CCDC33: variants seen among roughly 807,000 people sequenced by gnomAD.
CCDC33 encodes the protein coiled-coil domain-containing protein 33.
In CCDC33, 94 loss-of-function variants were observed where a neutral mutation model predicts 91.9. The ratio of observed to expected loss-of-function variants is 1.02; its 90% CI spans 0.87 to 1.21. The LOEUF is 1.21. Among genes scored for constraint, CCDC33 ranks in the 50% most tolerant of loss-of-function variants. The pLI is 0.00. For missense variants in CCDC33, 940 were observed against 935.5 expected, an observed-to-expected ratio of 1.00 and a Z score of -0.06; for synonymous variants, 396 against 374.5, an observed-to-expected ratio of 1.06 and a Z score of -0.66.
chr15:74,333,136 T>A (rs2060476521), intron 16 of CCDC33: 5 of 1,136,456 alleles, frequency 4.4e-6, no homozygotes, highest in Non-Finnish European at 6.5e-6. Context: ...GGCCTCCACC[T>A]GGACCCTACA....
Position 74,222,545 on chromosome 15 carries a change from T to A in CCDC33, c.675+3684T>A, listed in dbSNP as rs1456785543. 1.4e-4 allele frequency among the ~76,000 whole-genome samples: 19 copies of A among 138,176 alleles called. No individual in the cohort carries two copies. In the East Asian group the frequency reaches 4.0e-3, roughly 29 times the overall value. The allele number at this position is 138,176 out of a possible 152,430, so 90.6% of individuals were successfully genotyped here. On this transcript the variant is annotated intron_variant, in intron 2 of 2. Coordinates refer to the CCDC33 transcript ENST00000635913. ...TTTCTTTTTCTTTTCTTTTTTTTTT[T>A]AATTCCTTCCGTTTAAAACACCTTT...
chr15:74,226,638 C>A (rs67882706), intron 2 of CCDC33, among the ~76,000 whole-genome samples: 33,140 of 151,906 alleles, frequency 0.22, 4,246 homozygotes, highest in East Asian at 0.33. Flanking sequence ...ACCAGCCTGA[C>A]CAACATGGTG....
In CCDC33 at chr15:74,336,092, C is replaced by A; in HGVS notation, c.*39C>A. 1 of 1,603,130 alleles carries A rather than the reference C, an allele frequency of 6.2e-7. No individual in the cohort carries two copies. Among genetic ancestry groups the A allele is most frequent in the South Asian group, 1.1e-5 (1 of 90,634 alleles). ...CCTCCTTCCCTGTGTGCTGGGGAGTCTCATCACCGCCCCCTAAAAATGACG... is the reference window on the plus strand; with the variant it reads ...CCTCCTTCCCTGTGTGCTGGGGAGTATCATCACCGCCCCCTAAAAATGACG... On this transcript the variant is annotated 3_prime_UTR_variant, in exon 19 of 19. Transcript: ENST00000398814.
intron 15 of CCDC33, among the ~76,000 whole-genome samples, chr15:74,331,849 G>A (rs532390514): frequency 4.3e-4 from 65 of 152,266 alleles, no homozygotes; most frequent in African/African-American, 1.4e-3. Flanking sequence ...GGCCAACATG[G>A]TGAAACCCCA....
At chr15:74,298,569 C>A (rs188591554) in intron 11 of CCDC33, among the ~76,000 whole-genome samples, 32 of 152,064 alleles carry the variant, frequency 2.1e-4, no homozygotes, top group African/African-American at 7.2e-4. Context: ...GATGGAGTTT[C>A]GCTCTTGTTA....
At chr15:74,248,215 T>C (rs1349526890) in intron 2 of CCDC33, among the ~76,000 whole-genome samples, 2 of 152,074 alleles carry the variant, frequency 1.3e-5, no homozygotes, top group Non-Finnish European at 2.9e-5. Context: ...GCGGAAAGTA[T>C]ATGTGTATCA....
Position 74,236,476 on chromosome 15 carries a change from G to A in CCDC33, c.-244G>A, listed in dbSNP as rs1398944589. 2.8e-5 allele frequency: 13 copies of A among 469,190 alleles called. No homozygotes were observed. Among genetic ancestry groups the A allele is most frequent in the African/African-American group, 3.9e-5 (2 of 51,316 alleles). 29.1% of individuals were successfully genotyped at this position (469,190 alleles called of 1,614,324 possible). The stretch of plus-strand genomic sequence containing the variant: ...GGCCCTTCCACCCACAGACCATCTC[G>A]CTGCTGAGAGATCCAGGACCTGCTC... On this transcript the variant is annotated 5_prime_UTR_variant, in exon 1 of 19. Transcript: ENST00000398814.
At chr15:74,241,483 G>A (rs1251930369) in intron 1 of CCDC33, among the ~76,000 whole-genome samples, 2 of 152,216 alleles carry the variant, frequency 1.3e-5, no homozygotes, top group Non-Finnish European at 2.9e-5. Context: ...CAGTGTGGCT[G>A]GAGCGGAGTG....
intron 2 of CCDC33, among the ~76,000 whole-genome samples, chr15:74,210,004 A>G (rs533385846): frequency 6.6e-6 from 1 of 152,282 alleles, no homozygotes; most frequent in East Asian, 1.9e-4. Flanking sequence ...CCTGGAAGAG[A>G]GAAGGACAAT....
intron 3 of CCDC33, among the ~76,000 whole-genome samples, chr15:74,264,377 A>G (rs77733133): frequency 0.018 from 2,698 of 152,276 alleles, 82 homozygotes; most frequent in African/African-American, 0.062. Context: ...GAAGGGCACA[A>G]TGCCCAGAGA....
chr15:74,281,950 G>A, intron 10 of CCDC33, 101 bp downstream of exon 10: 7 of 988,516 alleles, frequency 7.1e-6, no homozygotes, highest in Non-Finnish European at 9.4e-6. Context: ...CTTCTGGGAG[G>A]ATGGGACTAC....
chr15:74,285,127 C>T (rs373619465), intron 10 of CCDC33, among the ~76,000 whole-genome samples: 232 of 152,330 alleles, frequency 1.5e-3, no homozygotes, highest in East Asian at 6.6e-3. Flanking sequence ...TGTCACAGAG[C>T]GGAAATGCTT....
At chr15:74,291,840 C>T (rs1305700389) in intron 10 of CCDC33, among the ~76,000 whole-genome samples, 3 of 152,208 alleles carry the variant, frequency 2.0e-5, no homozygotes, top group Non-Finnish European at 4.4e-5. Context: ...CCTGGTCTGT[C>T]TCAACAGACC....
intron 10 of CCDC33, among the ~76,000 whole-genome samples, chr15:74,284,812 C>T (rs184925778): frequency 2.5e-3 from 379 of 152,330 alleles, no homozygotes; most frequent in Non-Finnish European, 4.4e-3. Flanking sequence ...AGGTTCCTGC[C>T]CCCTTATTGT....
Position 74,244,074 on chromosome 15 carries a change from C to T in CCDC33, c.111C>T (p.Ile37=). Residue 37 remains isoleucine, a synonymous_variant, in exon 2 of 19, where the codon ATC becomes ATT. Coordinates refer to ENST00000398814, the MANE Select transcript of CCDC33 (RefSeq NM_025055.5). The surrounding 1 kb of genome is among the most constrained non-coding windows in gnomAD (Gnocchi z 4.2). ...TGTCTCCCTCTAAGAAGGAGACCAT[C>T]ATGGTCACCCTCCATGGGGCTACCA... The part of the protein sequence containing the change: ...GHLSPSKKET[I]MVTLHGATNL... The T allele has an allele frequency of 6.2e-7, 1 of 1,613,894 alleles. No individual in the cohort carries two copies. Among genetic ancestry groups the T allele is most frequent in the Non-Finnish European group, 8.5e-7 (1 of 1,179,944 alleles).
Position 74,220,130 on chromosome 15 carries a change from G to A in CCDC33, c.675+1269G>A, listed in dbSNP as rs563349688. On this transcript the variant is annotated intron_variant, in intron 2 of 2. Transcript: ENST00000635913. ...AGAGGGGTTTGTGCAGGGTTTGTGCGGGAGAAAGACCAGATCTGAGCTGTG... is the reference window on the plus strand; with the variant it reads ...AGAGGGGTTTGTGCAGGGTTTGTGCAGGAGAAAGACCAGATCTGAGCTGTG... Among the ~76,000 whole-genome samples the A allele has an allele frequency of 3.9e-5, 6 of 152,204 alleles. No individual in the cohort carries two copies. In the South Asian group the frequency reaches 6.2e-4, roughly 16 times the overall value.
At chr15:74,269,099 AT>A (rs1191252558) in intron 5 of CCDC33, among the ~76,000 whole-genome samples, 31 of 151,828 alleles carry the variant, frequency 2.0e-4, no homozygotes, top group African/African-American at 7.5e-4. Context: ...CCCTAGGCCA[AT>A]TAGCAGCTTT....
At chr15:74,325,538 C>CCAT (rs2060293130) in intron 11 of CCDC33, among the ~76,000 whole-genome samples, 1 of 150,560 alleles carries the variant, frequency 6.6e-6, no homozygotes, top group Admixed American at 6.6e-5. Flanking sequence ...AGATGGGAGA[C>CCAT]CATCACAAGC....
chr15:74,273,409 C>T (rs1400990908), intron 7 of CCDC33, among the ~76,000 whole-genome samples: 2 of 152,290 alleles, frequency 1.3e-5, no homozygotes, highest in East Asian at 1.9e-4. Context: ...TTAACATTAC[C>T]GAACTGTACA....
Sources: gnomAD v4.1 joint callset for allele counts (sites outside exome capture counted in the v4.1 genomes callset) on GRCh38, gnomAD v4.1.1 for gene constraint, Gnocchi (gnomAD v3.1) non-coding constraint, MANE v1.5 for transcripts, NCBI Gene and HGNC (gene_info 2026-07-23, HGNC 2026-07-21) for gene names.